Variants in PHTF2 observed in about 807,000 individuals in gnomAD.
PHTF2 encodes protein PHTF2.
In PHTF2, 60 loss-of-function variants were observed where a neutral mutation model predicts 101.2. That is an observed-to-expected ratio of 0.59 (90% CI 0.48 to 0.73). The LOEUF (loss-of-function observed/expected upper bound fraction) is 0.73. Ranked by LOEUF, PHTF2 falls within the 30% of genes least tolerant of loss-of-function variation. The pLI, the probability that PHTF2 is intolerant of heterozygous loss-of-function variation, is 0.00. For synonymous variants in PHTF2, 311 were observed against 307.3 expected, an observed-to-expected ratio of 1.01 and a Z score of -0.13; for missense variants, 747 against 908.7, an observed-to-expected ratio of 0.82 and a Z score of 2.29.
intron 9 of PHTF2, among the ~76,000 whole-genome samples, chr7:77,919,296 G>A (rs2150906970): frequency 6.6e-6 from 1 of 152,254 alleles, no homozygotes; most frequent in African/African-American, 2.4e-5. Context: ...TTTTTGGTAT[G>A]TGTGCATTTT....
chr7:77,890,013 T>G (rs932247401), intron 3 of PHTF2, among the ~76,000 whole-genome samples: 1 of 128,754 alleles, frequency 7.8e-6, no homozygotes, highest in Non-Finnish European at 1.6e-5. Flanking sequence ...TTTAAAAAAA[T>G]TAAGACGCGC....
At chr7:77,866,487 G>A (rs575500028) in intron 3 of PHTF2, among the ~76,000 whole-genome samples, 1 of 152,186 alleles carries the variant, frequency 6.6e-6, no homozygotes, top group Non-Finnish European at 1.5e-5. Context: ...ATACTGGCCT[G>A]TGGTTAACAA....
At chr7:77,887,454 G>T in intron 3 of PHTF2, among the ~76,000 whole-genome samples, 1 of 150,034 alleles carries the variant, frequency 6.7e-6, no homozygotes, top group African/African-American at 2.5e-5. Flanking sequence ...TTTGACCTCT[G>T]TAATGGCTCA....
chr7:77,846,706 A>G (rs750279517), intron 2 of PHTF2, among the ~76,000 whole-genome samples: 2 of 149,666 alleles, frequency 1.3e-5, no homozygotes, highest in East Asian at 2.0e-4. Flanking sequence ...GCAGTGACAC[A>G]GTCATGGCTT....
At chr7:77,808,133 G>T (rs887727477) in intron 1 of PHTF2, among the ~76,000 whole-genome samples, 1 of 152,040 alleles carries the variant, frequency 6.6e-6, no homozygotes, top group Non-Finnish European at 1.5e-5. Flanking sequence ...CAAATTTGTT[G>T]TTCTTTTTAA....
intron 1 of PHTF2, among the ~76,000 whole-genome samples, chr7:77,805,473 C>T (rs934752050): frequency 2.0e-5 from 3 of 152,064 alleles, no homozygotes; most frequent in Non-Finnish European, 4.4e-5. Context: ...TCTTGATTTG[C>T]TAGAATCTTA....
chr7:77,866,113 G>A (rs1045743499), intron 3 of PHTF2, among the ~76,000 whole-genome samples: 3 of 150,398 alleles, frequency 2.0e-5, no homozygotes, highest in Non-Finnish European at 3.0e-5. Context: ...GAACTTGGGA[G>A]GCAGAGGTTG....
intron 1 of PHTF2, among the ~76,000 whole-genome samples, chr7:77,808,406 G>T (rs1157773123): frequency 6.6e-6 from 1 of 152,126 alleles, no homozygotes; most frequent in African/African-American, 2.4e-5. Context: ...TGTCATCTTT[G>T]TCATTTGTGG....
intron 3 of PHTF2, among the ~76,000 whole-genome samples, chr7:77,878,134 G>A (rs542859567): frequency 2.0e-5 from 3 of 152,224 alleles, no homozygotes; most frequent in Admixed American, 6.5e-5. Context: ...AAATCGCAGG[G>A]CCAGGCAAAC....
At chr7:77,940,002 T>TTC in intron 13 of PHTF2, 28 bp from the exon 13 acceptor site, 3 of 1,533,916 alleles carry the variant, frequency 2.0e-6, no homozygotes, top group Non-Finnish European at 2.6e-6. Context: ...TATTTTTCTT[T>TTC]TCTCTCTCTT....
chr7:77,898,128 A>G (rs1801047752), intron 5 of PHTF2, among the ~76,000 whole-genome samples: 1 of 152,140 alleles, frequency 6.6e-6, no homozygotes, highest in Non-Finnish European at 1.5e-5. Flanking sequence ...TAAAATTGGA[A>G]ATGAACCCCA....
At chr7:77,854,520 C>T (rs756037859) in intron 2 of PHTF2, among the ~76,000 whole-genome samples, 4 of 152,088 alleles carry the variant, frequency 2.6e-5, no homozygotes, top group Admixed American at 6.6e-5. Flanking sequence ...GCTAGGCTTG[C>T]GTCCTTCCCT....
chr7:77,849,980 A>G (rs147790874), intron 2 of PHTF2, among the ~76,000 whole-genome samples: 49 of 131,222 alleles, frequency 3.7e-4, no homozygotes, highest in African/African-American at 1.6e-3. Context: ...TTCCTTTCCA[A>G]TTTGGATACC....
chr7:77,919,152 A>C (rs1382891122), intron 9 of PHTF2, among the ~76,000 whole-genome samples: 2 of 152,180 alleles, frequency 1.3e-5, no homozygotes, highest in African/African-American at 4.8e-5. Context: ...ACCTTAAATA[A>C]GTCACTTAGA....
intron 7 of PHTF2, among the ~76,000 whole-genome samples, chr7:77,908,340 A>G (rs906499108): frequency 6.6e-6 from 1 of 152,250 alleles, no homozygotes; most frequent in East Asian, 1.9e-4. Context: ...TCTGGAAACT[A>G]TGCCTAAGTA....
chr7:77,942,685 AC>A lies in PHTF2; in HGVS notation c.1873-12del. On this transcript the variant is annotated splice_polypyrimidine_tract_variant and intron_variant, in intron 15 of 19. Transcript: ENST00000416283. ...TAAAATGTTTCCTTTTCTCCCTTCC[AC>A]CCACACCCTGCAGCGTCGAGGTCCT... 6.7e-7 allele frequency: 1 copy of A among 1,497,522 alleles called. No homozygotes were observed. The highest frequency in any genetic ancestry group is 9.2e-7 in the Non-Finnish European group (1 of 1,090,178). The allele number at this position is 1,497,522 out of a possible 1,614,324, so 92.8% of individuals were successfully genotyped here. A position where few individuals can be genotyped will look rare whatever the true frequency, so the allele number is the denominator to read the frequency against.
At chr7:77,877,221 T>G (rs1166703828) in intron 3 of PHTF2, among the ~76,000 whole-genome samples, 1 of 151,738 alleles carries the variant, frequency 6.6e-6, no homozygotes, top group Non-Finnish European at 1.5e-5. Flanking sequence ...GTTCAAGCGA[T>G]TCTCCTGCTT....
intron 13 of PHTF2, among the ~76,000 whole-genome samples, chr7:77,938,674 G>C (rs1278530218): frequency 2.0e-5 from 3 of 152,214 alleles, no homozygotes; most frequent in African/African-American, 7.2e-5. Flanking sequence ...CTACTCGGGA[G>C]GCTGAGGCAG....
chr7:77,809,706 A>G (rs571067845), intron 1 of PHTF2, among the ~76,000 whole-genome samples: 1 of 152,322 alleles, frequency 6.6e-6, no homozygotes, highest in African/African-American at 2.4e-5. Flanking sequence ...AAATACTACT[A>G]TGATCATATA....
Sources: allele counts gnomAD v4.1 joint callset (sites outside exome capture counted in the v4.1 genomes callset), GRCh38; gene constraint gnomAD v4.1.1; transcripts MANE v1.5; gene names NCBI Gene and HGNC (gene_info 2026-07-23, HGNC 2026-07-21).